ANO2: variants seen among roughly 807,000 people sequenced by gnomAD.
ANO2 encodes anoctamin 2.
A neutral mutation model predicts 124.2 loss-of-function variants in ANO2; 101 were observed. That is an observed-to-expected ratio of 0.81 (90% confidence interval 0.69 to 0.96). ANO2 has a LOEUF of 0.96. Ranked by LOEUF, ANO2 falls within the 40% of genes least tolerant of loss-of-function variation. The pLI, the probability that ANO2 is intolerant of heterozygous loss-of-function variation, is 0.00. For missense variants in ANO2, 1,293 were observed against 1,274.5 expected (o/e 1.01, Z -0.22); for synonymous variants, 486 against 482.5 (o/e 1.01, Z -0.09).
intron 1 of ANO2, among the ~76,000 whole-genome samples, chr12:5,934,500 G>A (rs1043810979): frequency 5.3e-5 from 8 of 152,184 alleles, no homozygotes; most frequent in Non-Finnish European, 1.0e-4. Flanking sequence ...ATTCATTTCA[G>A]GAAGTGCTTC....
chr12:5,938,983 C>T (rs1027230346), intron 1 of ANO2, among the ~76,000 whole-genome samples: 2 of 151,568 alleles, frequency 1.3e-5, no homozygotes, highest in African/African-American at 4.9e-5. Context: ...CTTTGAGAGG[C>T]CGAGGCAGGC....
intron 10 of ANO2, among the ~76,000 whole-genome samples, chr12:5,782,259 G>T (rs1326279775): frequency 6.6e-6 from 1 of 152,046 alleles, no homozygotes; most frequent in East Asian, 1.9e-4. Context: ...AGCCACTTCA[G>T]TTTTCTTTTA....
intron 14 of ANO2, among the ~76,000 whole-genome samples, chr12:5,704,297 C>T (rs777197439): frequency 2.0e-5 from 3 of 152,162 alleles, no homozygotes; most frequent in Non-Finnish European, 2.9e-5. Flanking sequence ...GCATCCACCC[C>T]GCCCATGTGG....
chr12:5,877,635 G>C (rs1019940410), intron 3 of ANO2, among the ~76,000 whole-genome samples: 1 of 152,170 alleles, frequency 6.6e-6, no homozygotes, highest in Non-Finnish European at 1.5e-5. Flanking sequence ...AATAATAAAA[G>C]TATCTAGCTC....
intron 10 of ANO2, among the ~76,000 whole-genome samples, chr12:5,753,359 G>T (rs1000332999): frequency 6.6e-6 from 1 of 152,106 alleles, no homozygotes; most frequent in African/African-American, 2.4e-5. Flanking sequence ...CAGCAAATCG[G>T]CACTTAATAT....
rs922501090 is a variant in ANO2 at position 5,932,971 on chromosome 12, A to T, written c.23-10167T>A. Among the ~76,000 whole-genome samples, 4 of 152,176 alleles carry T rather than the reference A, an allele frequency of 2.6e-5. No homozygotes were observed. In the East Asian group the frequency reaches 7.7e-4, roughly 29 times the overall value. On this transcript the variant is annotated intron_variant, in intron 1 of 24. Coordinates refer to ENST00000682330, the MANE Select transcript of ANO2 (RefSeq NM_001364791.2). ...AGGAAGAAAGGCAGTGATTTGTATG[A>T]TCCATTGCAATGGGCCTCGGGCCTG... is the stretch of plus-strand genomic sequence containing the variant.
chr12:5,780,318 TATC>T (rs1348238322), intron 10 of ANO2, among the ~76,000 whole-genome samples: 1 of 152,194 alleles, frequency 6.6e-6, no homozygotes, highest in African/African-American at 2.4e-5. Flanking sequence ...ATTTTTGAAA[TATC>T]ATTAATTTTT....
intron 10 of ANO2, among the ~76,000 whole-genome samples, chr12:5,755,378 TTTTA>T (rs1264758086): frequency 1.8e-4 from 26 of 148,406 alleles, no homozygotes; most frequent in Admixed American, 9.4e-4. Context: ...ATTTATTTAT[TTTTA>T]TTTATTTTAT....
rs78130386 is a variant in ANO2, at chr12:5,913,481, C to T, written c.534+7559G>A. On this transcript the variant is annotated intron_variant, in intron 3 of 24. Coordinates refer to ENST00000682330, the MANE Select transcript of ANO2 (RefSeq NM_001364791.2). ...TTCTGGAAAGGAAGAATAGGTACTC[C>T]GTAAATCAGTCCCGCTTTGAATACG... Among the ~76,000 whole-genome samples the T allele has an allele frequency of 3.5e-3, 537 of 152,338 alleles. 2 individuals are homozygous for T. The highest frequency in any genetic ancestry group is 0.034 in the Middle Eastern group (10 of 294).
intron 14 of ANO2, among the ~76,000 whole-genome samples, chr12:5,705,113 C>T (rs958881096): frequency 5.3e-5 from 8 of 152,062 alleles, no homozygotes; most frequent in Admixed American, 6.6e-5. Context: ...TTATGAAGAC[C>T]GCTTAGTCGG....
At chr12:5,798,363 C>T (rs777076767) in intron 10 of ANO2, among the ~76,000 whole-genome samples, 4 of 152,078 alleles carry the variant, frequency 2.6e-5, no homozygotes, top group East Asian at 1.9e-4. Flanking sequence ...AAGCTCTGTC[C>T]GCTGGGAGGG....
chr12:5,837,715 G>A (rs928331277), intron 4 of ANO2, among the ~76,000 whole-genome samples: 2 of 151,656 alleles, frequency 1.3e-5, no homozygotes, highest in African/African-American at 4.8e-5. Flanking sequence ...TCAAAGCAGT[G>A]TGTAGAGGGA....
chr12:5,709,072 A>G (rs1016996235), intron 14 of ANO2, among the ~76,000 whole-genome samples: 1 of 152,194 alleles, frequency 6.6e-6, no homozygotes, highest in Non-Finnish European at 1.5e-5. Flanking sequence ...TTTTAAATAC[A>G]TTATTAAATA....
intron 10 of ANO2, among the ~76,000 whole-genome samples, chr12:5,788,600 C>T (rs1952607646): frequency 6.6e-6 from 1 of 152,162 alleles, no homozygotes; most frequent in Admixed American, 6.5e-5. Flanking sequence ...TAACTGTCAC[C>T]CAGGCTGGAG....
At chr12:5,807,916 G>GGGTCCC (rs1215805667) in intron 7 of ANO2, among the ~76,000 whole-genome samples, 1 of 152,138 alleles carries the variant, frequency 6.6e-6, no homozygotes, top group Admixed American at 6.5e-5. Context: ...AGGCTTTCGG[G>GGGTCCC]GGTCCCTGGA....
intron 3 of ANO2, among the ~76,000 whole-genome samples, chr12:5,915,245 T>C (rs1289956532): frequency 1.3e-5 from 2 of 152,206 alleles, no homozygotes; most frequent in African/African-American, 4.8e-5. Context: ...CAAATGTTCA[T>C]ACTTGAAAGA....
At chr12:5,857,795 T>C (rs1037351334) in intron 3 of ANO2, among the ~76,000 whole-genome samples, 3 of 152,010 alleles carry the variant, frequency 2.0e-5, no homozygotes, top group South Asian at 2.1e-4. Context: ...GATAGATAGA[T>C]AGATAGATAG....
chr12:5,703,290 AT>A (rs1949476925), intron 14 of ANO2, among the ~76,000 whole-genome samples: 2 of 152,364 alleles, frequency 1.3e-5, no homozygotes, highest in Admixed American at 6.5e-5. Context: ...AACTGCAAAA[AT>A]ATCATACAGT....
chr12:5,741,400 G>A (rs1353460328), intron 12 of ANO2, among the ~76,000 whole-genome samples: 1 of 152,056 alleles, frequency 6.6e-6, no homozygotes, highest in Non-Finnish European at 1.5e-5. Flanking sequence ...TTTCTCCCTT[G>A]GATTTGAGGC....
Sources: gnomAD v4.1 joint callset for allele counts (sites outside exome capture counted in the v4.1 genomes callset) on GRCh38, gnomAD v4.1.1 for gene constraint, MANE v1.5 for transcripts, NCBI Gene and HGNC (gene_info 2026-07-23, HGNC 2026-07-21) for gene names.